The following WNT7A variants were observed in gnomAD, a reference collection of about 807,000 sequenced individuals.
WNT7A encodes protein Wnt-7a.
Under a neutral mutation model 28.2 loss-of-function variants are expected in WNT7A, and 16 were observed. The observed-to-expected ratio is 0.57, with a 90% CI of 0.38 to 0.86. The LOEUF is 0.86. WNT7A is among the 40% of genes least tolerant of loss of function. The pLI is 0.00. For synonymous variants in WNT7A, 190 were observed against 195.9 expected, an observed-to-expected ratio of 0.97 and a Z score of 0.25; for missense variants, 411 against 489.7, an observed-to-expected ratio of 0.84 and a Z score of 1.52.
intron 3 of WNT7A, among the ~76,000 whole-genome samples, chr3:13,831,022 C>T (rs990854718): frequency 5.9e-5 from 9 of 152,134 alleles, no homozygotes; most frequent in South Asian, 2.1e-4. Context: ...GGGAAGGAGG[C>T]GCTCATAATC....
intron 3 of WNT7A, among the ~76,000 whole-genome samples, chr3:13,834,027 C>A (rs1024721174): frequency 6.6e-6 from 1 of 152,204 alleles, no homozygotes. Flanking sequence ...AAGGCTGATA[C>A]CAGCTTCCAC....
intron 3 of WNT7A, among the ~76,000 whole-genome samples, chr3:13,838,271 C>T (rs749858529): frequency 3.3e-5 from 5 of 152,170 alleles, no homozygotes; most frequent in South Asian, 2.1e-4. Flanking sequence ...TGTGCGGCTT[C>T]GGGTCCTCAC....
intron 3 of WNT7A, among the ~76,000 whole-genome samples, chr3:13,841,966 G>A (rs551644418): frequency 1.3e-5 from 2 of 152,286 alleles, no homozygotes; most frequent in Admixed American, 6.5e-5. Flanking sequence ...AGCATTCCAG[G>A]CAGAGGGAAC....
chr3:13,879,205 A>C (rs1280772614), intron 1 of WNT7A, among the ~76,000 whole-genome samples: 2 of 152,122 alleles, frequency 1.3e-5, no homozygotes, highest in African/African-American at 4.8e-5. Flanking sequence ...GCGGCGGTTT[A>C]TGTTTTTGCC....
At chr3:13,850,146 C>G (rs1001900345) in intron 3 of WNT7A, among the ~76,000 whole-genome samples, 2 of 152,250 alleles carry the variant, frequency 1.3e-5, no homozygotes, top group Admixed American at 6.5e-5. Context: ...TGCCCAGGGG[C>G]GGGGCAGGAA....
intron 3 of WNT7A, among the ~76,000 whole-genome samples, chr3:13,829,453 C>T (rs1559295724): frequency 6.6e-6 from 1 of 152,176 alleles, no homozygotes; most frequent in Non-Finnish European, 1.5e-5. Context: ...AGGTATCTCA[C>T]AGAACTGGCG....
intron 3 of WNT7A, among the ~76,000 whole-genome samples, chr3:13,836,123 CT>C (rs1323490331): frequency 6.6e-6 from 1 of 151,170 alleles, no homozygotes; most frequent in Non-Finnish European, 1.5e-5. Context: ...TGTGAATACC[CT>C]AAAAACCTTG....
At chr3:13,833,169 C>A (rs944753763) in intron 3 of WNT7A, among the ~76,000 whole-genome samples, 7 of 152,176 alleles carry the variant, frequency 4.6e-5, no homozygotes, top group African/African-American at 1.7e-4. Context: ...TGCAACCCCC[C>A]ACAGGCTCAC....
At chr3:13,869,000 GAGAA>G (rs1291856442) in intron 2 of WNT7A, among the ~76,000 whole-genome samples, 19 of 148,460 alleles carry the variant, frequency 1.3e-4, no homozygotes, top group South Asian at 4.3e-4. Flanking sequence ...AAGAGAAAGA[GAGAA>G]AGAAAGAGAG....
chr3:13,871,685 C>T (rs1201960877), intron 2 of WNT7A, among the ~76,000 whole-genome samples: 1 of 152,090 alleles, frequency 6.6e-6, no homozygotes, highest in Non-Finnish European at 1.5e-5. Flanking sequence ...GTCTCCATGG[C>T]TATCACTGAG....
chr3:13,872,800 G>A (rs190424366), intron 2 of WNT7A, among the ~76,000 whole-genome samples: 1 of 152,254 alleles, frequency 6.6e-6, no homozygotes, highest in East Asian at 1.9e-4. Context: ...ACCTCTGTGG[G>A]GACTATTCCA....
intron 2 of WNT7A, among the ~76,000 whole-genome samples, chr3:13,872,766 T>C (rs1695045387): frequency 1.3e-5 from 2 of 152,190 alleles, no homozygotes; most frequent in Non-Finnish European, 2.9e-5. Context: ...TGCCCTGCAC[T>C]GCAGCCCTCC....
chr3:13,851,641 G>C (rs1018212240), intron 3 of WNT7A, among the ~76,000 whole-genome samples: 1 of 152,182 alleles, frequency 6.6e-6, no homozygotes, highest in Non-Finnish European at 1.5e-5. Flanking sequence ...TAGACTGAAC[G>C]TCTAGTCTTG....
intron 3 of WNT7A, among the ~76,000 whole-genome samples, chr3:13,845,525 A>G (rs1694525005): frequency 6.6e-6 from 1 of 152,252 alleles, no homozygotes; most frequent in Non-Finnish European, 1.5e-5. Context: ...TGTAATCTTC[A>G]TAATACTCTA....
intron 2 of WNT7A, among the ~76,000 whole-genome samples, chr3:13,873,153 A>T (rs1490138766): frequency 6.6e-6 from 1 of 152,098 alleles, no homozygotes; most frequent in Non-Finnish European, 1.5e-5. Flanking sequence ...GTGACCCGGG[A>T]CAGTCCCATT....
intron 2 of WNT7A, among the ~76,000 whole-genome samples, chr3:13,868,517 A>AG (rs1694947035): frequency 2.0e-5 from 3 of 147,252 alleles, no homozygotes; most frequent in Non-Finnish European, 3.0e-5. Context: ...AGAGAGAGAG[A>AG]AAGAAAGGTG....
chr3:13,856,239 C>G (rs1295014640), intron 2 of WNT7A, among the ~76,000 whole-genome samples: 2 of 152,262 alleles, frequency 1.3e-5, no homozygotes, highest in Non-Finnish European at 2.9e-5. Flanking sequence ...AGCTCCGCCA[C>G]TGACTGACTG....
intron 3 of WNT7A, among the ~76,000 whole-genome samples, chr3:13,842,313 G>A (rs1694473698): frequency 6.6e-6 from 1 of 152,174 alleles, no homozygotes; most frequent in Admixed American, 6.5e-5. Flanking sequence ...TGGTGGATAG[G>A]ACTCTGGGGT....
intron 1 of WNT7A, among the ~76,000 whole-genome samples, chr3:13,876,291 A>C (rs1418935459): frequency 6.6e-6 from 1 of 152,230 alleles, no homozygotes; most frequent in Non-Finnish European, 1.5e-5. Context: ...CTACAAAGCC[A>C]GGGCTTGAGA....
Sources: gnomAD v4.1 joint callset for allele counts (sites outside exome capture counted in the v4.1 genomes callset) on GRCh38, gnomAD v4.1.1 for gene constraint, MANE v1.5 for transcripts, NCBI Gene and HGNC (gene_info 2026-07-23, HGNC 2026-07-21) for gene names.